The following BRINP3 variants were observed in gnomAD, a reference collection of about 807,000 sequenced individuals.
The protein encoded by BRINP3 is BMP/retinoic acid-inducible neural-specific protein 3.
BRINP3 carries 19 observed loss-of-function variants against 71.0 expected under a neutral mutation model. The ratio of observed to expected loss-of-function variants is 0.27; its 90% confidence interval spans 0.19 to 0.39. BRINP3 has a LOEUF of 0.39. BRINP3 is among the 10% of genes least tolerant of loss of function. The pLI, the probability that BRINP3 is intolerant of heterozygous loss-of-function variation, is 1.00. For missense variants in BRINP3, 959 were observed against 940.8 expected (o/e 1.02, Z -0.25); for synonymous variants, 380 against 337.7 (o/e 1.13, Z -1.37).
At chr1:190,118,774 T>C (rs1337228267) in intron 7 of BRINP3, among the ~76,000 whole-genome samples, 1 of 152,170 alleles carries the variant, frequency 6.6e-6, no homozygotes, top group African/African-American at 2.4e-5. Context: ...TTGTAAAAGA[T>C]CCATATATAC....
At chr1:190,123,467 G>A (rs891887905) in intron 7 of BRINP3, among the ~76,000 whole-genome samples, 1 of 152,036 alleles carries the variant, frequency 6.6e-6, no homozygotes, top group African/African-American at 2.4e-5. Flanking sequence ...AACAGTTTTT[G>A]AGACTTCCTT....
rs1331562690 is a variant in BRINP3 at position 190,160,826 on chromosome 1, C to T, written c.1026G>A (p.Met342Ile). The T allele has an allele frequency of 6.2e-7, 1 of 1,613,350 alleles. No homozygotes were observed. Among genetic ancestry groups the T allele is most frequent in the East Asian group, 2.2e-5 (1 of 44,834 alleles). Residue 342 changes from methionine (M) to isoleucine (I), a missense_variant, in exon 7 of 8, where the codon ATG becomes ATA. By Grantham distance (10) the Met-to-Ile change is conservative. Transcript: ENST00000367462. ...MNYFLNTSTI[M>I]HLWTMDSNFQ... ...AATTAGAATCCATTGTCCACAAATG[C>T]ATTATAGTAGATGTGTTGAGGAAAT... is the stretch of plus-strand genomic sequence containing the variant.
intron 6 of BRINP3, among the ~76,000 whole-genome samples, chr1:190,199,444 C>A (rs955222510): frequency 2.6e-5 from 4 of 152,078 alleles, no homozygotes; most frequent in Admixed American, 2.0e-4. Flanking sequence ...AAATGTCCAA[C>A]GTTTGATAGA....
At chr1:190,137,115 T>A (rs770897752) in intron 7 of BRINP3, among the ~76,000 whole-genome samples, 2 of 152,042 alleles carry the variant, frequency 1.3e-5, no homozygotes, top group African/African-American at 4.8e-5. Flanking sequence ...AGAACCATGA[T>A]TTGAACATGA....
At chr1:190,183,114 A>G (rs1217060022) in intron 6 of BRINP3, among the ~76,000 whole-genome samples, 2 of 151,858 alleles carry the variant, frequency 1.3e-5, no homozygotes, top group Non-Finnish European at 2.9e-5. Flanking sequence ...GAGACTTTGC[A>G]TTTTTTCTTT....
At chr1:190,125,170 A>G (rs778333189) in intron 7 of BRINP3, among the ~76,000 whole-genome samples, 1 of 151,962 alleles carries the variant, frequency 6.6e-6, no homozygotes, top group Non-Finnish European at 1.5e-5. Context: ...TCAACCAAAT[A>G]AAGGTCACGC....
intron 7 of BRINP3, among the ~76,000 whole-genome samples, chr1:190,119,798 T>C (rs554065747): frequency 2.6e-5 from 4 of 152,330 alleles, no homozygotes; most frequent in African/African-American, 9.6e-5. Flanking sequence ...ATCCTTAAGC[T>C]GGGAGTCCCA....
intron 7 of BRINP3, among the ~76,000 whole-genome samples, chr1:190,131,174 G>T (rs1654509022): frequency 8.0e-6 from 1 of 125,568 alleles, no homozygotes; most frequent in Non-Finnish European, 1.6e-5. Flanking sequence ...GGTTATGTGT[G>T]TGTGGCGGGG....
chr1:190,174,769 T>C (rs1652348849), intron 6 of BRINP3, among the ~76,000 whole-genome samples: 3 of 148,246 alleles, frequency 2.0e-5, no homozygotes, highest in African/African-American at 7.6e-5. Context: ...GAAAATCATA[T>C]GTTAGTTCAT....
At chr1:190,203,451 G>GTATA (rs377117248) in intron 6 of BRINP3, among the ~76,000 whole-genome samples, 2 of 146,806 alleles carry the variant, frequency 1.4e-5, no homozygotes, top group East Asian at 2.0e-4. Context: ...ATGTGTGTGT[G>GTATA]TATATATATA....
intron 6 of BRINP3, among the ~76,000 whole-genome samples, chr1:190,179,052 G>A (rs1652806752): frequency 6.6e-6 from 1 of 152,036 alleles, no homozygotes; most frequent in African/African-American, 2.4e-5. Context: ...AAACGTCTCA[G>A]CAAACTCTTT....
intron 7 of BRINP3, among the ~76,000 whole-genome samples, chr1:190,109,329 T>G (rs1239058326): frequency 6.6e-6 from 1 of 152,220 alleles, no homozygotes; most frequent in Admixed American, 6.5e-5. Context: ...TCATACATAA[T>G]TATCAAGCCA....
chr1:190,234,261 T>A (rs889790992), intron 5 of BRINP3, 111 bp downstream of exon 5: 1 of 567,862 alleles, frequency 1.8e-6, no homozygotes, highest in African/African-American at 1.9e-5. Flanking sequence ...TAATGAGAGT[T>A]TTTAATAGCC....
intron 7 of BRINP3, among the ~76,000 whole-genome samples, chr1:190,119,835 T>C (rs1441928760): frequency 6.6e-6 from 1 of 152,224 alleles, no homozygotes; most frequent in African/African-American, 2.4e-5. Context: ...TCATCTAACA[T>C]GGAGAACTGT....
intron 7 of BRINP3, among the ~76,000 whole-genome samples, chr1:190,123,151 C>T (rs1653820025): frequency 6.6e-6 from 1 of 152,082 alleles, no homozygotes; most frequent in Admixed American, 6.6e-5. Flanking sequence ...GGGGAACTGG[C>T]TTACTTACTG....
intron 2 of BRINP3, among the ~76,000 whole-genome samples, chr1:190,443,298 G>A (rs1308013890): frequency 6.6e-6 from 1 of 151,402 alleles, no homozygotes; most frequent in Admixed American, 6.6e-5. Flanking sequence ...CCAGTTACTC[G>A]GGAGGCTGAG....
intron 2 of BRINP3, among the ~76,000 whole-genome samples, chr1:190,320,122 A>C (rs1666139822): frequency 6.6e-6 from 1 of 152,062 alleles, no homozygotes; most frequent in African/African-American, 2.4e-5. Context: ...AAATTTTAAC[A>C]CAGGGTGATT....
In BRINP3 at chr1:190,253,010, C is replaced by G. The variant is rs573802495; in HGVS notation, c.618+11855G>C. ...AGTGTTCTCATTGTTCAACTACCAC[C>G]TATGAGAACATATGGTGTTTGGTTT... On this transcript the variant is annotated intron_variant, in intron 4 of 7. Transcript: ENST00000367462. Among the ~76,000 whole-genome samples, 4 of 151,898 alleles carry G rather than the reference C, an allele frequency of 2.6e-5. No individual in the cohort carries two copies. In the South Asian group the frequency reaches 8.3e-4, roughly 32 times the overall value.
intron 2 of BRINP3, among the ~76,000 whole-genome samples, chr1:190,292,599 T>A (rs79071874): frequency 0.015 from 2,340 of 152,174 alleles, 78 homozygotes; most frequent in African/African-American, 0.053. Flanking sequence ...TCTACCTTGA[T>A]CTGTGATTGC....
Sources: gnomAD v4.1 joint callset for allele counts (sites outside exome capture counted in the v4.1 genomes callset) on GRCh38, gnomAD v4.1.1 for gene constraint, MANE v1.5 for transcripts, NCBI Gene and HGNC (gene_info 2026-07-23, HGNC 2026-07-21) for gene names.